Variants in LYPLAL1 observed in about 807,000 individuals in gnomAD.
LYPLAL1 encodes the protein lysophospholipase like 1.
LYPLAL1 carries 23 observed loss-of-function variants against 19.7 expected under a neutral mutation model. The ratio of observed to expected loss-of-function variants is 1.17; its 90% confidence interval spans 0.84 to 1.65. The LOEUF (loss-of-function observed/expected upper bound fraction) is 1.65. Among genes scored for constraint, LYPLAL1 ranks in the 40% most tolerant of loss-of-function variants. LYPLAL1 has a pLI of 0.00. For missense variants in LYPLAL1, 355 were observed against 279.4 expected (o/e 1.27, Z -1.93); for synonymous variants, 119 against 96.3 (o/e 1.24, Z -1.38).
At chr1:219,253,261 A>G in the LYPLAL1 span, among the ~76,000 whole-genome samples, 1 of 151,634 alleles carries the variant, frequency 6.6e-6, no homozygotes, top group Non-Finnish European at 1.5e-5. Flanking sequence ...TCTTTTTAAT[A>G]ACTTTTTGTG....
At chr1:219,175,870 CAA>C (rs371861483) in intron 1 of LYPLAL1, among the ~76,000 whole-genome samples, 2 of 152,264 alleles carry the variant, frequency 1.3e-5, no homozygotes, top group East Asian at 3.9e-4. Flanking sequence ...AGAATATGGG[CAA>C]ACCAATTCTG....
intron 1 of LYPLAL1, 130 bp downstream of exon 1, chr1:219,174,111 A>G: frequency 6.7e-7 from 1 of 1,481,832 alleles, no homozygotes; most frequent in Non-Finnish European, 9.0e-7. Context: ...CCCCGTCGCC[A>G]GCCCCGGCTG....
chr1:219,395,493 G>A, the LYPLAL1 span, among the ~76,000 whole-genome samples: 1 of 152,120 alleles, frequency 6.6e-6, no homozygotes, highest in African/African-American at 2.4e-5. Flanking sequence ...GTATATTTAA[G>A]TTCCTTATAA....
chr1:219,280,281 G>C, the LYPLAL1 span, among the ~76,000 whole-genome samples: 1 of 152,098 alleles, frequency 6.6e-6, no homozygotes, highest in African/African-American at 2.4e-5. Flanking sequence ...ATTATATAAA[G>C]TTTTTTGATG....
Position 219,211,660 on chromosome 1 carries a change from A to G in LYPLAL1, c.646A>G (p.Thr216Ala), listed in dbSNP as rs760256594. ...FPNVYHELSK[T>A]ELDILKLWIL... ...AAATGTTTACCATGAGCTAAGCAAA[A>G]CTGAGTTAGACATATTGAAGTTATG... Residue 216 changes from threonine (T) to alanine (A), a missense_variant, in exon 5 of 5, where the codon ACT (threonine) becomes GCT (alanine). Physicochemically the swap from Thr to Ala is moderately conservative, Grantham distance 58. Coordinates refer to ENST00000366928, the MANE Select transcript of LYPLAL1 (RefSeq NM_138794.5). 43 of 1,613,116 alleles carry G rather than the reference A, an allele frequency of 2.7e-5. No homozygotes were observed. In the South Asian group the frequency reaches 4.4e-4, roughly 16 times the overall value.
chr1:219,195,484 AG>A (rs139468628), intron 3 of LYPLAL1, among the ~76,000 whole-genome samples: 67 of 152,244 alleles, frequency 4.4e-4, no homozygotes, highest in African/African-American at 1.5e-3. Flanking sequence ...TACTCTGAGT[AG>A]TACTCTTAAT....
the LYPLAL1 span, among the ~76,000 whole-genome samples, chr1:219,395,971 C>T: frequency 1.3e-5 from 2 of 151,844 alleles, no homozygotes; most frequent in Admixed American, 6.6e-5. Context: ...GGCATGGTGG[C>T]GGGCACCTGT....
At chr1:219,420,333 G>T in the LYPLAL1 span, among the ~76,000 whole-genome samples, 1 of 152,168 alleles carries the variant, frequency 6.6e-6, no homozygotes, top group Admixed American at 6.5e-5. Context: ...GTGAGCCAAG[G>T]TTATAATTTA....
intron 2 of LYPLAL1, among the ~76,000 whole-genome samples, chr1:219,184,184 C>G (rs1656530433): frequency 6.6e-6 from 1 of 151,804 alleles, no homozygotes; most frequent in African/African-American, 2.4e-5. Context: ...GTATGTCTCA[C>G]CATTTACTTA....
the LYPLAL1 span, among the ~76,000 whole-genome samples, chr1:219,218,932 G>A: frequency 6.6e-6 from 1 of 152,124 alleles, no homozygotes; most frequent in Non-Finnish European, 1.5e-5. Context: ...ATGATTAAGG[G>A]TGTGCATTAG....
chr1:219,346,969 G>C, the LYPLAL1 span, among the ~76,000 whole-genome samples: 1 of 152,252 alleles, frequency 6.6e-6, no homozygotes, highest in East Asian at 1.9e-4. Flanking sequence ...TTTGAGACTT[G>C]ACAAATCTTG....
the LYPLAL1 span, among the ~76,000 whole-genome samples, chr1:219,241,134 C>CTCTCTA: frequency 0.013 from 573 of 44,284 alleles, 5 homozygotes; most frequent in Admixed American, 0.018. Flanking sequence ...CTCTCTCTCT[C>CTCTCTA]TATATATATA....
chr1:219,429,739 A>G, the LYPLAL1 span, among the ~76,000 whole-genome samples: 1 of 152,206 alleles, frequency 6.6e-6, no homozygotes, highest in Non-Finnish European at 1.5e-5. Context: ...TTGTATCCCA[A>G]GCTGAAGCCA....
the LYPLAL1 span, among the ~76,000 whole-genome samples, chr1:219,275,222 C>T: frequency 0.47 from 70,881 of 151,946 alleles, 16,906 homozygotes; most frequent in East Asian, 0.66. Context: ...AGCAAGCTTT[C>T]CCTCATTTAA....
intron 2 of LYPLAL1, among the ~76,000 whole-genome samples, chr1:219,187,135 A>G (rs528130968): frequency 2.0e-5 from 3 of 151,784 alleles, no homozygotes; most frequent in African/African-American, 7.2e-5. Context: ...AAACTGTATC[A>G]AACAAGGTTA....
the LYPLAL1 span, among the ~76,000 whole-genome samples, chr1:219,339,774 G>C: frequency 6.6e-6 from 1 of 151,944 alleles, no homozygotes; most frequent in African/African-American, 2.4e-5. Context: ...GAAACATATG[G>C]ACCAAATTTC....
the LYPLAL1 span, among the ~76,000 whole-genome samples, chr1:219,402,860 T>C: frequency 5.1e-3 from 774 of 152,208 alleles, 11 homozygotes; most frequent in African/African-American, 0.018. Context: ...AAAAGGGTTA[T>C]TATGTTTTGG....
chr1:219,224,887 A>G, the LYPLAL1 span, among the ~76,000 whole-genome samples: 3 of 152,294 alleles, frequency 2.0e-5, no homozygotes, highest in Admixed American at 2.0e-4. Flanking sequence ...TTCTAATTCC[A>G]TAGCCTGCTT....
At chr1:219,221,157 A>G in the LYPLAL1 span, among the ~76,000 whole-genome samples, 1 of 152,166 alleles carries the variant, frequency 6.6e-6, no homozygotes, top group Non-Finnish European at 1.5e-5. Flanking sequence ...TCTGACCACT[A>G]AGTGCAGTGA....
Sources: allele counts gnomAD v4.1 joint callset (sites outside exome capture counted in the v4.1 genomes callset), GRCh38; gene constraint gnomAD v4.1.1; transcripts MANE v1.5; gene names NCBI Gene and HGNC (gene_info 2026-07-23, HGNC 2026-07-21).